Variants in ST6GALNAC1 observed in about 807,000 individuals in gnomAD.
ST6GALNAC1 encodes the protein alpha-N-acetylgalactosaminide alpha-2,6-sialyltransferase 1.
ST6GALNAC1 carries 45 observed loss-of-function variants against 56.8 expected under a neutral mutation model. The ratio of observed to expected loss-of-function variants is 0.79; its 90% CI spans 0.62 to 1.02. The LOEUF (loss-of-function observed/expected upper bound fraction) is 1.02, where lower values mean the gene tolerates loss of function less well. ST6GALNAC1 is among the 50% of genes least tolerant of loss of function. The pLI is 0.00. For missense variants in ST6GALNAC1, 743 were observed against 754.8 expected, an observed-to-expected ratio of 0.98 and a Z score of 0.18; for synonymous variants, 295 against 297.8, an observed-to-expected ratio of 0.99 and a Z score of 0.10.
rs551466219 is a variant in ST6GALNAC1 at position 76,626,666 on chromosome 17, G to A, written c.1296C>T (p.Asn432=). Residue 432 remains asparagine, a synonymous_variant, in exon 5 of 9, where the codon AAC becomes AAT. Coordinates refer to ENST00000156626, the MANE Select transcript of ST6GALNAC1 (RefSeq NM_018414.5). ...CTTTGCTCACCTTCCCAAGAGGCAC[G>A]TTCTTGAAACCCCGATTGCCCAATA... ...LLILGNRGFK[N]VPLGKDVRYL... 7.4e-6 allele frequency: 12 copies of A among 1,614,190 alleles called. No individual in the cohort carries two copies. In the Admixed American group the frequency reaches 1.5e-4, roughly 20 times the overall value.
chr17:76,626,130 C>T (rs760203239), intron 6 of ST6GALNAC1, 35 bp from the exon 7 acceptor site: 3 of 1,607,694 alleles, frequency 1.9e-6, no homozygotes, highest in Admixed American at 1.7e-5. Context: ...GACTCAGCTC[C>T]CTTACCTGGT....
At chr17:76,619,894 C>T (rs1258000837), downstream of ST6GALNAC1, among the ~76,000 whole-genome samples, 1 of 151,890 alleles carries the variant, frequency 6.6e-6, no homozygotes, top group Non-Finnish European at 1.5e-5. Context: ...CAGGCATGCA[C>T]CGCCACACCC....
intron 1 of ST6GALNAC1, among the ~76,000 whole-genome samples, chr17:76,632,909 A>G (rs1164468770): frequency 6.6e-6 from 1 of 152,250 alleles, no homozygotes; most frequent in East Asian, 1.9e-4. Flanking sequence ...TTGCACTTTA[A>G]TAAATGAATT....
the ST6GALNAC1 span, among the ~76,000 whole-genome samples, chr17:76,618,090 G>T: frequency 1.8e-4 from 27 of 152,268 alleles, no homozygotes; most frequent in East Asian, 5.0e-3. Flanking sequence ...AGCAGCCAAG[G>T]TTTCCCCGTT....
At chr17:76,623,843 A>C (rs1183601677), downstream of ST6GALNAC1, among the ~76,000 whole-genome samples, 2 of 152,222 alleles carry the variant, frequency 1.3e-5, no homozygotes, top group African/African-American at 2.4e-5. Flanking sequence ...CGTTAAGTTT[A>C]GGTAGCCTGA....
chr17:76,618,151 T>C, the ST6GALNAC1 span, among the ~76,000 whole-genome samples: 1 of 152,208 alleles, frequency 6.6e-6, no homozygotes, highest in Non-Finnish European at 1.5e-5. Flanking sequence ...TGTTCACAGA[T>C]GAAAAGCAGG....
At chr17:76,622,697 T>A (rs2075753886), downstream of ST6GALNAC1, among the ~76,000 whole-genome samples, 1 of 152,202 alleles carries the variant, frequency 6.6e-6, no homozygotes, top group Admixed American at 6.5e-5. Context: ...AATTTACCAG[T>A]CTGGTATTGC....
rs998041289 is a variant in ST6GALNAC1, at chr17:76,627,989, C to T, written c.832-406G>A. 2.7e-5 allele frequency among the ~76,000 whole-genome samples: 4 copies of T among 149,736 alleles called. No homozygotes were observed. Among genetic ancestry groups the T allele is most frequent in the East Asian group, 2.0e-4 (1 of 4,990 alleles). ...GCGGGCGCCTGTAGTTCCAGCTACT[C>T]GGGAGGCTGAGGCAGGAGAATGGCG... On this transcript the variant is annotated intron_variant, in intron 2 of 8. Coordinates refer to ENST00000156626, the MANE Select transcript of ST6GALNAC1 (RefSeq NM_018414.5). This position sits in a 1 kb window ranked among gnomAD's most constrained non-coding sequence, Gnocchi z 4.4.
intron 1 of ST6GALNAC1, chr17:76,637,779 C>T (rs934831454): frequency 5.0e-6 from 2 of 398,580 alleles, no homozygotes; most frequent in Non-Finnish European, 8.8e-6. Context: ...TTTCCTGAAG[C>T]TTGGTGGATG....
At chr17:76,638,111 T>C (rs1350916953) in intron 1 of ST6GALNAC1, among the ~76,000 whole-genome samples, 1 of 19,460 alleles carries the variant, frequency 5.1e-5, no homozygotes, top group Non-Finnish European at 8.8e-5. Flanking sequence ...CAGCTCACTC[T>C]TTTTTTTTTT....
At chr17:76,637,139 C>T (rs1480215051) in intron 1 of ST6GALNAC1, among the ~76,000 whole-genome samples, 2 of 151,344 alleles carry the variant, frequency 1.3e-5, no homozygotes, top group African/African-American at 4.9e-5. Context: ...TGCGGAAGGC[C>T]GCAGGGCCCT....
chr17:76,637,272 T>TAAAAAAAA (rs771644279), intron 1 of ST6GALNAC1, among the ~76,000 whole-genome samples: 62 of 18,194 alleles, frequency 3.4e-3, no homozygotes, highest in East Asian at 0.012. Context: ...CAATAAATAC[T>TAAAAAAAA]AAAAAAAAAA....
At position 76,629,307 on chromosome 17, in the gene ST6GALNAC1, G is replaced by A. The variant is rs756803787; in HGVS notation, c.536C>T (p.Thr179Met). The A allele has an allele frequency of 2.1e-5, 34 of 1,614,066 alleles. No individual in the cohort carries two copies. Among genetic ancestry groups the A allele is most frequent in the Non-Finnish European group, 2.9e-5 (34 of 1,180,044 alleles). ...GQTRKLTASR[T>M]VSEKHQGKAA... The stretch of plus-strand genomic sequence containing the variant: ...TTTGCCCTGGTGCTTCTCTGACACC[G>A]TCCTGGAGGCCGTCAGCTTCCTGGT... Residue 179 changes from threonine (T) to methionine (M), a missense_variant, in exon 2 of 9, where the codon ACG becomes ATG. Coordinates refer to ENST00000156626, the MANE Select transcript of ST6GALNAC1 (RefSeq NM_018414.5).
At chr17:76,636,672 C>T (rs964797797) in intron 1 of ST6GALNAC1, among the ~76,000 whole-genome samples, 5 of 145,324 alleles carry the variant, frequency 3.4e-5, no homozygotes, top group Non-Finnish European at 7.4e-5. Context: ...CCCCACCCAG[C>T]CGCCGCCCCG....
At chr17:76,622,967 G>C (rs2075756679), downstream of ST6GALNAC1, among the ~76,000 whole-genome samples, 2 of 152,174 alleles carry the variant, frequency 1.3e-5, no homozygotes, top group South Asian at 2.1e-4. Flanking sequence ...CTAATTTTTT[G>C]TATTTTTATT....
At chr17:76,622,091 G>A (rs936585320), downstream of ST6GALNAC1, among the ~76,000 whole-genome samples, 10 of 151,148 alleles carry the variant, frequency 6.6e-5, no homozygotes, top group East Asian at 9.7e-4. Context: ...GAGCCACTGC[G>A]CCTGGCCTGC....
chr17:76,637,418 C>T (rs1056763684), intron 1 of ST6GALNAC1: 3 of 303,456 alleles, frequency 9.9e-6, no homozygotes, highest in Admixed American at 1.0e-4. Flanking sequence ...TTTATAGCCA[C>T]AGCCACTTTC....
intron 6 of ST6GALNAC1, 34 bp from the exon 7 acceptor site, chr17:76,626,129 C>T: frequency 6.2e-7 from 1 of 1,607,496 alleles, no homozygotes; most frequent in Non-Finnish European, 8.5e-7. Context: ...AGACTCAGCT[C>T]CCTTACCTGG....
At chr17:76,632,100 G>A (rs567219366) in intron 1 of ST6GALNAC1, among the ~76,000 whole-genome samples, 169 of 152,030 alleles carry the variant, frequency 1.1e-3, no homozygotes, top group African/African-American at 3.7e-3. Flanking sequence ...CTGTTCACCC[G>A]GTTTAACAAA....
Sources: allele counts gnomAD v4.1 joint callset (sites outside exome capture counted in the v4.1 genomes callset), GRCh38; gene constraint gnomAD v4.1.1; non-coding constraint Gnocchi (gnomAD v3.1); transcripts MANE v1.5; gene names NCBI Gene and HGNC (gene_info 2026-07-23, HGNC 2026-07-21).